HEY1: variants seen among roughly 807,000 people sequenced by gnomAD.
The protein encoded by HEY1 is hairy/enhancer-of-split related with YRPW motif protein 1.
A neutral mutation model predicts 28.7 loss-of-function variants in HEY1; 9 were observed. The observed-to-expected ratio is 0.31, with a 90% CI of 0.19 to 0.55. The LOEUF is 0.55. Among genes scored for constraint, HEY1 ranks in the 20% least tolerant of loss-of-function variants. HEY1 has a pLI of 0.93. For synonymous variants in HEY1, 213 were observed against 175.6 expected (o/e 1.21, Z -1.68); for missense variants, 385 against 399.4 (o/e 0.96, Z 0.31).
Position 79,767,012 on chromosome 8 carries a change from C to T in HEY1, c.246G>A (p.Lys82=). The T allele has an allele frequency of 6.2e-7, 1 of 1,613,298 alleles. No homozygotes were observed. The highest frequency in any genetic ancestry group is 8.5e-7 in the Non-Finnish European group (1 of 1,179,320). ...LRRLVPSAFE[K]QGSAKLEKAE... is the part of the protein sequence containing the mutation. ...CTTTACCTACTTGCTCCATTACCTG[C>T]TTCTCAAAAGCACTGGGTACCAGCC... The change falls in exon 3 of 5, where the codon AAG becomes AAA. Residue 82 remains lysine (K), a synonymous_variant. Coordinates refer to ENST00000354724, the MANE Select transcript of HEY1 (RefSeq NM_012258.4).
chr8:79,765,772 C>G lies in HEY1; in HGVS notation c.332-1G>C. 6.3e-7 allele frequency: 1 copy of G among 1,597,566 alleles called. No individual in the cohort carries two copies. The highest frequency in any genetic ancestry group is 8.6e-7 in the Non-Finnish European group (1 of 1,168,808). On this transcript the variant is annotated splice_acceptor_variant, in intron 4 of 4. Coordinates refer to ENST00000354724, the MANE Select transcript of HEY1 (RefSeq NM_012258.4). LOFTEE classifies it high-confidence loss of function. Reference sequence around the variant, plus strand: ...GCAAGGGCGTGCGCGTCAAAGTAACCTAAGCAAAAGAACAAAAGAAAAATC... The same window carrying G: ...GCAAGGGCGTGCGCGTCAAAGTAACGTAAGCAAAAGAACAAAAGAAAAATC...
At chr8:79,767,158 A>G (rs1479804949) in intron 2 of HEY1, 61 bp downstream of exon 2, 3 of 1,588,998 alleles carry the variant, frequency 1.9e-6, no homozygotes, top group African/African-American at 2.7e-5. Context: ...AAGACAAAAA[A>G]AAAGGTGGTT....
Position 79,764,204 on chromosome 8 carries a change from T to C in HEY1, c.*984A>G, listed in dbSNP as rs190428671. On this transcript the variant is annotated 3_prime_UTR_variant, in exon 5 of 5. Coordinates refer to ENST00000354724, the MANE Select transcript of HEY1 (RefSeq NM_012258.4). ...CTTTTAAATACCTTGGCAACCACAG[T>C]TCCATGCACCAAAAGGAAAACTCAC... 918 of 216,794 alleles carry C rather than the reference T, an allele frequency of 4.2e-3. 3 individuals are homozygous for C. Among genetic ancestry groups the C allele is most frequent in the Non-Finnish European group, 6.7e-3 (717 of 107,802 alleles). The allele number at this position is 216,794 out of a possible 1,614,324, so 13.4% of individuals were successfully genotyped here.
chr8:79,767,390 C>T, intron 1 of HEY1, 96 bp from the exon 2 acceptor site: 2 of 1,236,342 alleles, frequency 1.6e-6, no homozygotes, highest in Non-Finnish European at 2.3e-6. Context: ...CGCACTCAGA[C>T]TTTTTTTGCC....
Position 79,766,743 on chromosome 8 carries a change from G to A in HEY1, c.250-11C>T, listed in dbSNP as rs777821779. On this transcript the variant is annotated splice_polypyrimidine_tract_variant and intron_variant, in intron 3 of 4. Coordinates refer to ENST00000354724, the MANE Select transcript of HEY1 (RefSeq NM_012258.4). ...TAGCTTAGCAGATCCCTAAAGATGA[G>A]AATGGCAAAAGATTGATTTGGCACA... The A allele has an allele frequency of 3.1e-6, 5 of 1,613,486 alleles. No individual in the cohort carries two copies. The highest frequency in any genetic ancestry group is 1.3e-5 in the African/African-American group (1 of 75,038).
rs929274403 is a variant in HEY1, at chr8:79,764,976, T to A, written c.*212A>T. On this transcript the variant is annotated 3_prime_UTR_variant, in exon 5 of 5. Transcript: ENST00000354724. Reference sequence around the variant, plus strand: ...AATGTCTTGAACAAAATTTAACAACTAGTTTTTAAAAACTGCTAATACATG... The same window carrying A: ...AATGTCTTGAACAAAATTTAACAACAAGTTTTTAAAAACTGCTAATACATG... 1 of 458,360 alleles carries A rather than the reference T, an allele frequency of 2.2e-6. No individual in the cohort carries two copies. The highest frequency in any genetic ancestry group is 2.0e-5 in the African/African-American group (1 of 49,958). The allele number at this position is 458,360 out of a possible 1,614,324, so 28.4% of individuals were successfully genotyped here.
Position 79,765,542 on chromosome 8 carries a change from G to T in HEY1, c.561C>A (p.His187Gln). 6.2e-7 allele frequency: 1 copy of T among 1,613,966 alleles called. No homozygotes were observed. The highest frequency in any genetic ancestry group is 8.5e-7 in the Non-Finnish European group (1 of 1,180,040). The change falls in exon 5 of 5, where the codon CAC (histidine) becomes CAA (glutamine). Residue 187 changes from histidine to glutamine, a missense_variant. Coordinates refer to ENST00000354724, the MANE Select transcript of HEY1 (RefSeq NM_012258.4). Reference protein sequence around the residue: ...HIPWGTVFGHHPHIAHPLLLP... With the variant: ...HIPWGTVFGHQPHIAHPLLLP... ...GCAACAGCGGGTGCGCGATGTGCGG[G>T]TGATGTCCGAAGACGGTCCCCCAGG... is the stretch of plus-strand genomic sequence containing the variant.
chr8:79,766,083 C>T (rs1487830377), intron 4 of HEY1: 2 of 780,610 alleles, frequency 2.6e-6, no homozygotes, highest in Non-Finnish European at 4.0e-6. Flanking sequence ...ACATCAAGGG[C>T]AGAGAAACCA....
Position 79,765,160 on chromosome 8 carries a change from T to G in HEY1, c.*28A>C, listed in dbSNP as rs571606795. 203 of 1,476,400 alleles carry G rather than the reference T, an allele frequency of 1.4e-4. 4 individuals are homozygous for G. The South Asian group carries it at 2.6e-3, about 19-fold the overall frequency. 91.5% of individuals were successfully genotyped at this position (1,476,400 alleles called of 1,614,324 possible). On this transcript the variant is annotated 3_prime_UTR_variant, in exon 5 of 5. Transcript: ENST00000354724. ...TCCAGCCCAGCTGGGATTTTAAACT[T>G]TCCCCTCCCTCATTCTACATCAGTT...
chr8:79,766,146 T>C, intron 4 of HEY1: 2 of 1,305,812 alleles, frequency 1.5e-6, no homozygotes, highest in Non-Finnish European at 2.1e-6. Context: ...TCGCGGAGCT[T>C]TTAGGCACTT....
intron 4 of HEY1, chr8:79,766,316 T>C: frequency 6.6e-7 from 1 of 1,510,454 alleles, no homozygotes; most frequent in Non-Finnish European, 8.8e-7. Flanking sequence ...GACCACATAT[T>C]GTTTTTAAAT....
intron 4 of HEY1, chr8:79,766,179 T>C (rs1295826508): frequency 1.3e-6 from 2 of 1,513,358 alleles, no homozygotes; most frequent in South Asian, 1.2e-5. Flanking sequence ...AGCATTTTCC[T>C]GCTGGAGAGA....
At chr8:79,766,917 C>A in intron 3 of HEY1, 92 bp downstream of exon 3, 1 of 1,273,362 alleles carries the variant, frequency 7.9e-7, no homozygotes. Flanking sequence ...ACAAGCAACA[C>A]AGCTATTTTC....
At chr8:79,766,963 A>C (rs764631911) in intron 3 of HEY1, 46 bp downstream of exon 3, 10 of 1,473,864 alleles carry the variant, frequency 6.8e-6, no homozygotes, top group Admixed American at 1.7e-5. Flanking sequence ...AAGATTCAGA[A>C]GGTGCAGATA....
In HEY1 at chr8:79,765,591, G is replaced by A. The variant is rs1362659627; in HGVS notation, c.512C>T (p.Ala171Val). 6.2e-7 allele frequency: 1 copy of A among 1,614,130 alleles called. No individual in the cohort carries two copies. The highest frequency in any genetic ancestry group is 1.6e-4 in the Middle Eastern group (1 of 6,062). ...YASQREAASGAHAGLGHIPWG... is the reference protein window; with the variant it reads ...YASQREAASGVHAGLGHIPWG... The stretch of plus-strand genomic sequence containing the variant: ...GGGAATGTGTCCGAGGCCCGCGTGG[G>A]CGCCGCTCGCGGCTTCCCGCTGGGA... The change falls in exon 5 of 5, where the codon GCC becomes GTC. Residue 171 changes from alanine (A) to valine (V), a missense_variant. Coordinates refer to ENST00000354724, the MANE Select transcript of HEY1 (RefSeq NM_012258.4).
At chr8:79,766,180 G>T in intron 4 of HEY1, 1 of 1,513,214 alleles carries the variant, frequency 6.6e-7, no homozygotes, top group Non-Finnish European at 8.8e-7. Context: ...GCATTTTCCT[G>T]CTGGAGAGAC....
At position 79,765,058 on chromosome 8, in the gene HEY1, T is replaced by TAA; in HGVS notation, c.*128_*129dup. The TAA allele has an allele frequency of 9.2e-6, 5 of 542,746 alleles. No homozygotes were observed. The highest frequency in any genetic ancestry group is 1.2e-5 in the Non-Finnish European group (4 of 329,660). The allele number at this position is 542,746 out of a possible 1,614,324, so 33.6% of individuals were successfully genotyped here. A position where few individuals can be genotyped will look rare whatever the true frequency, so the allele number is the denominator to read the frequency against. ...AGTAAACCAACAAACCTTTAGTCTT[T>TAA]AAAAAAAAAATTATCTGAAAGTGTA... On this transcript the variant is annotated 3_prime_UTR_variant, in exon 5 of 5. Transcript: ENST00000354724.
rs755216317 is a variant in HEY1, at chr8:79,765,328, C to G, written c.775G>C (p.Ala259Pro). ...GAGAAGGGGAAGGCCGACAGGGAGG[C>G]CACTGAGGAGAGCAGAGGCGGCGAC... ...KLSPPLLSSV[A>P]SLSAFPFSFG... Residue 259 changes from alanine to proline, a missense_variant, in exon 5 of 5, where the codon GCC (alanine) becomes CCC (proline). Physicochemically the swap from Ala to Pro is conservative, Grantham distance 27. This residue lies in a region of HEY1 where 223 missense variants were observed against 215.9 expected (regional missense o/e 1.03). Coordinates refer to ENST00000354724, the MANE Select transcript of HEY1 (RefSeq NM_012258.4). The G allele has an allele frequency of 3.7e-5, 58 of 1,568,846 alleles. No individual in the cohort carries two copies. The highest frequency in any genetic ancestry group is 4.9e-5 in the Non-Finnish European group (57 of 1,156,298).
chr8:79,766,781 G>A (rs776260696), intron 3 of HEY1, 49 bp from the exon 4 acceptor site: 11 of 1,575,902 alleles, frequency 7.0e-6, no homozygotes, highest in Middle Eastern at 1.7e-4. Flanking sequence ...TTCCTTTGGG[G>A]AACAATTTAA....
Sources: allele counts gnomAD v4.1 joint callset, GRCh38; gene constraint gnomAD v4.1.1; regional missense constraint gnomAD v4.1.1; transcripts MANE v1.5; gene names NCBI Gene and HGNC (gene_info 2026-07-23, HGNC 2026-07-21).